Variants in ECT2L observed in about 807,000 individuals in gnomAD.
ECT2L encodes epithelial cell transforming 2 like.
ECT2L carries 126 observed loss-of-function variants against 122.8 expected under a neutral mutation model. The ratio of observed to expected loss-of-function variants is 1.03; its 90% CI spans 0.89 to 1.19. The LOEUF (loss-of-function observed/expected upper bound fraction) is 1.19, where lower values mean the gene tolerates loss of function less well. Among genes scored for constraint, ECT2L ranks in the 50% most tolerant of loss-of-function variants. The pLI is 0.00. For synonymous variants in ECT2L, 385 were observed against 381.8 expected (o/e 1.01, Z -0.10); for missense variants, 1,012 against 1,064.1 (o/e 0.95, Z 0.68).
intron 5 of ECT2L, among the ~76,000 whole-genome samples, chr6:138,840,274 T>C (rs1776993223): frequency 6.6e-6 from 1 of 152,112 alleles, no homozygotes; most frequent in Non-Finnish European, 1.5e-5. Context: ...TGCATATAAA[T>C]GCACCCACGC....
At chr6:138,841,176 C>T (rs187534395) in intron 5 of ECT2L, among the ~76,000 whole-genome samples, 14 of 151,882 alleles carry the variant, frequency 9.2e-5, no homozygotes, top group African/African-American at 2.2e-4. Flanking sequence ...TATTTATTTC[C>T]GCAAAGTTCA....
intron 20 of ECT2L, among the ~76,000 whole-genome samples, chr6:138,893,521 AG>A (rs1312299761): frequency 6.6e-6 from 1 of 152,052 alleles, no homozygotes; most frequent in African/African-American, 2.4e-5. Flanking sequence ...CTCAGGCTCA[AG>A]GGATTCTCCC....
rs1777341754 is a variant in ECT2L at position 138,849,263 on chromosome 6, C to T, written c.904-6C>T. 6.3e-7 allele frequency: 1 copy of T among 1,596,392 alleles called. No individual in the cohort carries two copies. ...TGGCTCTTACAGCTTTGGTTTCATT[C>T]TCCAGATGGTGATGGAGAGTGTGAA... On this transcript the variant is annotated splice_region_variant and splice_polypyrimidine_tract_variant and intron_variant, in intron 8 of 21. Coordinates refer to ENST00000541398, the MANE Select transcript of ECT2L (RefSeq NM_001077706.3).
At chr6:138,804,810 T>C (rs1186535068) in intron 1 of ECT2L, among the ~76,000 whole-genome samples, 1 of 152,208 alleles carries the variant, frequency 6.6e-6, no homozygotes, top group African/African-American at 2.4e-5. Flanking sequence ...TCCAGGTACT[T>C]AGTGGTACTT....
chr6:138,825,301 C>T (rs62440914), intron 4 of ECT2L, among the ~76,000 whole-genome samples: 11,272 of 152,166 alleles, frequency 0.074, 723 homozygotes, highest in East Asian at 0.27. Context: ...CATATAATGC[C>T]GAGCGCGGTG....
chr6:138,844,352 T>C, intron 6 of ECT2L, 60 bp from the exon 7 acceptor site: 1 of 1,579,024 alleles, frequency 6.3e-7, no homozygotes, highest in Non-Finnish European at 8.7e-7. Context: ...TTTATCTGTG[T>C]GGACTTGGCT....
chr6:138,849,745 T>C (rs1044089685), intron 9 of ECT2L, among the ~76,000 whole-genome samples: 1 of 151,946 alleles, frequency 6.6e-6, no homozygotes, highest in African/African-American at 2.4e-5. Context: ...ATTTTTGTAT[T>C]TTTTGTAGAG....
chr6:138,881,900 C>T (rs1009137220), intron 15 of ECT2L, among the ~76,000 whole-genome samples: 2 of 152,134 alleles, frequency 1.3e-5, no homozygotes, highest in African/African-American at 4.8e-5. Context: ...CAGACTGGTA[C>T]CTATCCATGG....
chr6:138,801,755 A>G (rs1468472047), intron 1 of ECT2L, among the ~76,000 whole-genome samples: 1 of 152,194 alleles, frequency 6.6e-6, no homozygotes, highest in Non-Finnish European at 1.5e-5. Flanking sequence ...ACTCTGTCTC[A>G]AAAAAGAAAA....
At chr6:138,871,508 A>C (rs1163384268) in intron 13 of ECT2L, among the ~76,000 whole-genome samples, 2 of 152,178 alleles carry the variant, frequency 1.3e-5, no homozygotes, top group Non-Finnish European at 2.9e-5. Context: ...GCCTGCCGTC[A>C]TTAAGACCCA....
intron 1 of ECT2L, among the ~76,000 whole-genome samples, chr6:138,801,452 CA>C (rs1294884318): frequency 2.0e-5 from 3 of 151,988 alleles, no homozygotes; most frequent in Admixed American, 6.6e-5. Flanking sequence ...TTGTTGTAGC[CA>C]AAAAATCAAC....
chr6:138,871,835 AC>A (rs1778266476), intron 13 of ECT2L, among the ~76,000 whole-genome samples: 1 of 151,854 alleles, frequency 6.6e-6, no homozygotes, highest in Admixed American at 6.6e-5. Context: ...AAACAAAACA[AC>A]AACAACAAAA....
rs781768436 is a variant in ECT2L, at chr6:138,881,162, G to A, written c.1871G>A (p.Ser624Asn). ...TTCTGTGACATTCTACAGATTTTAA[G>A]TCTCAACAGGTAAACCCTGAATATG... ...IIFCDILQIL[S>N]LNRQFLDNLR... The change falls in exon 15 of 22, where the codon AGT becomes AAT. Residue 624 changes from serine to asparagine, a missense_variant. By Grantham distance (46) the Ser-to-Asn change is conservative (BLOSUM62 1). Transcript: ENST00000541398. 16 of 1,613,698 alleles carry A rather than the reference G, an allele frequency of 9.9e-6. No homozygotes were observed. In the East Asian group the frequency reaches 2.2e-4, roughly 22 times the overall value.
chr6:138,835,617 T>C lies in ECT2L; in HGVS notation c.180-2735T>C, dbSNP rs976240468. On this transcript the variant is annotated intron_variant, in intron 4 of 21. Transcript: ENST00000541398. ...ATTTTACCATTTTTGCCTTATTATT[T>C]AGAATCACTTGAGAGTAAATTACGA... Among the ~76,000 whole-genome samples, 30 of 152,132 alleles carry C rather than the reference T, an allele frequency of 2.0e-4. 1 individual carries two copies. Among genetic ancestry groups the C allele is most frequent in the Non-Finnish European group, 3.5e-4 (24 of 68,030 alleles).
intron 20 of ECT2L, among the ~76,000 whole-genome samples, chr6:138,892,186 T>C (rs1779053828): frequency 6.6e-6 from 1 of 152,216 alleles, no homozygotes; most frequent in Non-Finnish European, 1.5e-5. Context: ...CTTGGTAAGC[T>C]TCTGTTGACA....
Position 138,902,547 on chromosome 6 carries a change from T to C in ECT2L, c.2635T>C (p.Cys879Arg). Residue 879 changes from cysteine to arginine, a missense_variant, in exon 22 of 22, where the codon TGT (cysteine) becomes CGT (arginine). By Grantham distance (180) the Cys-to-Arg change is radical (BLOSUM62 -3). Transcript: ENST00000541398. ...TCAGGGTCCAAAATATAAATGGATT[T>C]GTGCTACAGAAATAGAGGATGATAA... ...ILQGPKYKWI[C>R]ATEIEDDKFL... 6.2e-7 allele frequency: 1 copy of C among 1,613,838 alleles called. No individual in the cohort carries two copies. Among genetic ancestry groups the C allele is most frequent in the Non-Finnish European group, 8.5e-7 (1 of 1,179,806 alleles).
chr6:138,857,603 G>A (rs988032554), intron 10 of ECT2L, among the ~76,000 whole-genome samples: 1 of 152,108 alleles, frequency 6.6e-6, no homozygotes, highest in African/African-American at 2.4e-5. Context: ...ATCTGATGCA[G>A]AGGAACGCCC....
At chr6:138,838,575 C>T in intron 5 of ECT2L, 61 bp downstream of exon 5, 1 of 1,507,644 alleles carries the variant, frequency 6.6e-7, no homozygotes, top group East Asian at 2.4e-5. Flanking sequence ...TGTAATGAGG[C>T]TACTGGGGTA....
chr6:138,807,922 TATA>T lies in ECT2L; in HGVS notation c.-243-4911_-243-4909del, dbSNP rs999436201. 5.9e-5 allele frequency among the ~76,000 whole-genome samples: 9 copies of T among 152,328 alleles called. No homozygotes were observed. In the East Asian group the frequency reaches 1.7e-3, roughly 29 times the overall value. ...CTCATGCTGTTATTTACACTAGCTT[TATA>T]ATAAGTAAGTCCTGATATCAAGTAG... On this transcript the variant is annotated intron_variant, in intron 1 of 21. Coordinates refer to ENST00000541398, the MANE Select transcript of ECT2L (RefSeq NM_001077706.3).
Sources: allele counts gnomAD v4.1 joint callset (sites outside exome capture counted in the v4.1 genomes callset), GRCh38; gene constraint gnomAD v4.1.1; transcripts MANE v1.5; gene names NCBI Gene and HGNC (gene_info 2026-07-23, HGNC 2026-07-21).